Variants in NR6A1 observed in about 807,000 individuals in gnomAD.
NR6A1 encodes the protein retinoic acid receptor-related testis-associated receptor.
Under a neutral mutation model 59.1 loss-of-function variants are expected in NR6A1, and 7 were observed. That is an observed-to-expected ratio of 0.12 (90% CI 0.07 to 0.22). NR6A1 has a LOEUF of 0.22. Among genes scored for constraint, NR6A1 ranks in the 10% least tolerant of loss-of-function variants. The pLI is 1.00. For missense variants in NR6A1, 468 were observed against 611.6 expected, an observed-to-expected ratio of 0.77 and a Z score of 2.48; for synonymous variants, 243 against 236.1, an observed-to-expected ratio of 1.03 and a Z score of -0.27.
At chr9:124,524,910 G>T (rs1264601464) in intron 8 of NR6A1, 37 bp from the exon 9 acceptor site, 4 of 1,563,322 alleles carry the variant, frequency 2.6e-6, no homozygotes, top group Non-Finnish European at 3.4e-6. Context: ...CACATACAGG[G>T]AATGGGATGG....
chr9:124,701,826 C>T (rs922125897), intron 2 of NR6A1, among the ~76,000 whole-genome samples: 2 of 152,102 alleles, frequency 1.3e-5, no homozygotes. Flanking sequence ...CGGGTTCATG[C>T]GATTCTCCTG....
At chr9:124,767,176 A>G (rs1342964143) in intron 1 of NR6A1, among the ~76,000 whole-genome samples, 1 of 152,240 alleles carries the variant, frequency 6.6e-6, no homozygotes, top group Non-Finnish European at 1.5e-5. Flanking sequence ...AATTCTAAAT[A>G]AAATATGGAA....
At chr9:124,650,384 C>A (rs1035016838) in intron 2 of NR6A1, among the ~76,000 whole-genome samples, 9 of 151,576 alleles carry the variant, frequency 5.9e-5, no homozygotes, top group Non-Finnish European at 1.3e-4. Context: ...TAAAAAAAAA[C>A]AACTGATCTC....
At chr9:124,673,805 A>G (rs958822398) in intron 2 of NR6A1, among the ~76,000 whole-genome samples, 1 of 152,216 alleles carries the variant, frequency 6.6e-6, no homozygotes, top group African/African-American at 2.4e-5. Flanking sequence ...GTGAGCGCCT[A>G]AAGAAGATAA....
chr9:124,616,417 A>G lies in NR6A1; in HGVS notation c.143-61847T>C, dbSNP rs548792022. On this transcript the variant is annotated intron_variant, in intron 2 of 9. Transcript: ENST00000487099. ...GACTCCATCTCAAAAAAAAAAAAAA[A>G]AAAAGAAAAGAACTAGAACTAATCA... Among the ~76,000 whole-genome samples, 39 of 151,278 alleles carry G rather than the reference A, an allele frequency of 2.6e-4. 1 individual carries two copies. Among genetic ancestry groups the G allele is most frequent in the Admixed American group, 4.6e-4 (7 of 15,214 alleles).
chr9:124,525,284 AACACACACACACACACACAC>A (rs71492413), intron 8 of NR6A1, among the ~76,000 whole-genome samples: 10 of 137,304 alleles, frequency 7.3e-5, no homozygotes, highest in Non-Finnish European at 1.2e-4. Context: ...ATGCTTGTAA[AACACACACACACACACACAC>A]ACACACACAC....
At chr9:124,739,790 A>G (rs1840123796) in intron 1 of NR6A1, among the ~76,000 whole-genome samples, 1 of 152,250 alleles carries the variant, frequency 6.6e-6, no homozygotes, top group African/African-American at 2.4e-5. Context: ...ACCAGTCAGC[A>G]AATTAAGGTG....
intron 2 of NR6A1, among the ~76,000 whole-genome samples, chr9:124,639,840 G>T (rs989840319): frequency 6.6e-6 from 1 of 152,188 alleles, no homozygotes; most frequent in African/African-American, 2.4e-5. Flanking sequence ...GAGTTCAGAA[G>T]CCTCACTGGA....
chr9:124,590,581 T>C (rs1292858880), intron 2 of NR6A1, among the ~76,000 whole-genome samples: 1 of 152,232 alleles, frequency 6.6e-6, no homozygotes, highest in Non-Finnish European at 1.5e-5. Flanking sequence ...TCCTAGTGCT[T>C]AGAAAATAGT....
intron 1 of NR6A1, among the ~76,000 whole-genome samples, chr9:124,761,733 G>A (rs1282469637): frequency 4.6e-5 from 7 of 152,234 alleles, no homozygotes; most frequent in Admixed American, 3.9e-4. Context: ...AGCACGATAG[G>A]ATCTTTATCT....
intron 2 of NR6A1, among the ~76,000 whole-genome samples, chr9:124,704,871 T>C (rs1198085306): frequency 6.6e-6 from 1 of 152,088 alleles, no homozygotes; most frequent in Non-Finnish European, 1.5e-5. Flanking sequence ...CCCGAGTAGC[T>C]GGGACCAGAA....
At chr9:124,538,003 C>A (rs1833322919) in intron 6 of NR6A1, 89 bp downstream of exon 6, 5 of 1,054,106 alleles carry the variant, frequency 4.7e-6, no homozygotes, top group African/African-American at 1.6e-5. Flanking sequence ...CATTCTGAAG[C>A]CACGGGTATA....
rs556543708 is a variant in NR6A1, at chr9:124,747,979, A to G, written c.101-14630T>C. Among the ~76,000 whole-genome samples, 3 of 152,342 alleles carry G rather than the reference A, an allele frequency of 2.0e-5. No homozygotes were observed. In the South Asian group the frequency reaches 6.2e-4, roughly 32 times the overall value. On this transcript the variant is annotated intron_variant, in intron 1 of 9. Transcript: ENST00000487099. The stretch of plus-strand genomic sequence containing the variant: ...ATAGCACCAAATTACAGAAATAAAC[A>G]AATCCAACAATTGAAAAGCTACTTT...
chr9:124,713,654 TA>T (rs1839342788), intron 2 of NR6A1, among the ~76,000 whole-genome samples: 2 of 152,152 alleles, frequency 1.3e-5, no homozygotes, highest in Admixed American at 6.5e-5. Flanking sequence ...TCAATATCAC[TA>T]ATCATTAGGG....
At chr9:124,565,121 A>C (rs1564181363) in intron 2 of NR6A1, among the ~76,000 whole-genome samples, 1 of 152,130 alleles carries the variant, frequency 6.6e-6, no homozygotes, top group African/African-American at 2.4e-5. Flanking sequence ...TTGAGTTATA[A>C]AGAGATTTTA....
chr9:124,638,364 C>T lies in NR6A1; in HGVS notation c.143-83794G>A, dbSNP rs532659444. 2.0e-5 allele frequency among the ~76,000 whole-genome samples: 3 copies of T among 152,154 alleles called. No individual in the cohort carries two copies. The South Asian group carries it at 6.2e-4, about 32-fold the overall frequency. ...CTTTTTCTTAGCAGTCTCTAAAACA[C>T]AGAAATAATAAGAAATCTAAGACCA... is the stretch of plus-strand genomic sequence containing the variant. On this transcript the variant is annotated intron_variant, in intron 2 of 9. Transcript: ENST00000487099.
chr9:124,605,717 G>A (rs777103557), intron 2 of NR6A1, among the ~76,000 whole-genome samples: 2 of 152,154 alleles, frequency 1.3e-5, no homozygotes, highest in Non-Finnish European at 2.9e-5. Flanking sequence ...AAAATGAATG[G>A]GTGGAACTAT....
At chr9:124,593,563 A>G (rs531833340) in intron 2 of NR6A1, among the ~76,000 whole-genome samples, 14 of 152,336 alleles carry the variant, frequency 9.2e-5, no homozygotes, top group African/African-American at 3.1e-4. Context: ...TTAAAAATCA[A>G]TTTGGAGTTA....
At chr9:124,622,780 G>C (rs1458221400) in intron 2 of NR6A1, among the ~76,000 whole-genome samples, 1 of 152,022 alleles carries the variant, frequency 6.6e-6, no homozygotes, top group Non-Finnish European at 1.5e-5. Context: ...GTAGGAAATT[G>C]AGCTCAATTC....
Sources: allele counts gnomAD v4.1 joint callset (sites outside exome capture counted in the v4.1 genomes callset), GRCh38; gene constraint gnomAD v4.1.1; transcripts MANE v1.5; gene names NCBI Gene and HGNC (gene_info 2026-07-23, HGNC 2026-07-21).